Variants in NKAIN3 observed in about 807,000 individuals in gnomAD.
NKAIN3 encodes the protein sodium/potassium transporting ATPase interacting 3, also known as sodium/potassium-transporting ATPase subunit beta-1-interacting protein 3.
NKAIN3 carries 25 observed loss-of-function variants against 30.2 expected under a neutral mutation model. The observed-to-expected ratio is 0.83, with a 90% CI of 0.60 to 1.16. NKAIN3 has a LOEUF of 1.16. NKAIN3 is among the 50% of genes most tolerant of loss of function. NKAIN3 has a pLI of 0.00. For missense variants in NKAIN3, 225 were observed against 254.1 expected, an observed-to-expected ratio of 0.89 and a Z score of 0.78; for synonymous variants, 91 against 89.6, an observed-to-expected ratio of 1.02 and a Z score of -0.09.
intron 1 of NKAIN3, among the ~76,000 whole-genome samples, chr8:62,333,328 T>G (rs1041128904): frequency 1.3e-5 from 2 of 152,160 alleles, no homozygotes; most frequent in African/African-American, 4.8e-5. Flanking sequence ...TTATTTATTT[T>G]TATAGCTCAG....
chr8:62,621,230 T>C (rs1284168625), intron 3 of NKAIN3, among the ~76,000 whole-genome samples: 2 of 152,144 alleles, frequency 1.3e-5, no homozygotes, highest in African/African-American at 4.8e-5. Flanking sequence ...CAAATCCAGG[T>C]TTTCAATAAA....
intron 3 of NKAIN3, among the ~76,000 whole-genome samples, chr8:62,629,567 G>A (rs1048037479): frequency 1.3e-5 from 2 of 151,994 alleles, no homozygotes; most frequent in Non-Finnish European, 2.9e-5. Flanking sequence ...GAACAATATT[G>A]GCACATAGTA....
At chr8:62,272,820 C>T (rs866361170) in intron 1 of NKAIN3, among the ~76,000 whole-genome samples, 1 of 152,190 alleles carries the variant, frequency 6.6e-6, no homozygotes, top group African/African-American at 2.4e-5. Flanking sequence ...TTCCTTAGTT[C>T]TGCAAACTAA....
intron 3 of NKAIN3, among the ~76,000 whole-genome samples, chr8:62,686,102 T>G (rs1404451128): frequency 6.6e-6 from 1 of 152,134 alleles, no homozygotes. Flanking sequence ...CTATCACGGC[T>G]TACTCTCCAA....
intron 1 of NKAIN3, among the ~76,000 whole-genome samples, chr8:62,436,985 A>G (rs1805191955): frequency 6.6e-6 from 1 of 152,220 alleles, no homozygotes; most frequent in African/African-American, 2.4e-5. Context: ...GCCAAAGTCA[A>G]TGAAAGATTG....
At chr8:62,867,532 T>C (rs1820465252) in intron 4 of NKAIN3, among the ~76,000 whole-genome samples, 1 of 152,194 alleles carries the variant, frequency 6.6e-6, no homozygotes, top group East Asian at 1.9e-4. Context: ...TGAGAATTGA[T>C]TGACCAATGT....
In NKAIN3 at chr8:62,577,513, C is replaced by CT. The variant is rs373784299; in HGVS notation, c.55-2025dup. On this transcript the variant is annotated intron_variant, in intron 1 of 6. Transcript: ENST00000623646. Reference sequence around the variant, plus strand: ...TTGTTTGTTTTTCTGAATGAATGGCCTGCAGCTGCTCTTCAGGGTTTCCTT... The same window carrying CT: ...TTGTTTGTTTTTCTGAATGAATGGCCTTGCAGCTGCTCTTCAGGGTTTCCTT... Among the ~76,000 whole-genome samples, 86 of 142,682 alleles carry CT rather than the reference C, an allele frequency of 6.0e-4. 1 individual carries two copies. In the Middle Eastern group the frequency reaches 0.018, roughly 30 times the overall value. 93.6% of individuals were successfully genotyped at this position (142,682 alleles called of 152,430 possible).
intron 4 of NKAIN3, among the ~76,000 whole-genome samples, chr8:62,779,902 A>G (rs980339432): frequency 7.2e-5 from 11 of 152,278 alleles, no homozygotes; most frequent in Admixed American, 7.2e-4. Context: ...AACCTAGGAA[A>G]AAAAGAACAA....
intron 1 of NKAIN3, among the ~76,000 whole-genome samples, chr8:62,506,476 C>CTTTCTTTTTT (rs71559373): frequency 1.0e-5 from 1 of 98,438 alleles, no homozygotes; most frequent in African/African-American, 4.1e-5. Context: ...TTCTTTCTTT[C>CTTTCTTTTTT]TTTTTTTTTT....
chr8:62,636,031 A>G (rs371531850), intron 3 of NKAIN3, among the ~76,000 whole-genome samples: 5 of 152,198 alleles, frequency 3.3e-5, no homozygotes, highest in African/African-American at 1.2e-4. Context: ...CACCAAGTTC[A>G]GAATGGAGCC....
intron 4 of NKAIN3, among the ~76,000 whole-genome samples, chr8:62,750,822 A>G (rs1253200820): frequency 2.0e-5 from 3 of 152,030 alleles, no homozygotes; most frequent in Non-Finnish European, 4.4e-5. Flanking sequence ...GGAGAAGTCA[A>G]AGACAAGCAG....
intron 4 of NKAIN3, among the ~76,000 whole-genome samples, chr8:62,791,490 G>A (rs1817700073): frequency 6.6e-6 from 1 of 152,062 alleles, no homozygotes; most frequent in South Asian, 2.1e-4. Context: ...GCTGGTGTGA[G>A]AATCATAATC....
intron 4 of NKAIN3, among the ~76,000 whole-genome samples, chr8:62,869,679 G>A (rs985377356): frequency 1.3e-5 from 2 of 152,174 alleles, no homozygotes; most frequent in Non-Finnish European, 2.9e-5. Context: ...AACCCCTTGC[G>A]GGGGGTAGGT....
At chr8:62,989,237 G>A (rs1563656750), downstream of NKAIN3, among the ~76,000 whole-genome samples, 1 of 152,160 alleles carries the variant, frequency 6.6e-6, no homozygotes, top group East Asian at 1.9e-4. Flanking sequence ...CACATTTTCG[G>A]GTACCTTTAC....
intron 4 of NKAIN3, among the ~76,000 whole-genome samples, chr8:62,825,589 A>G (rs569970532): frequency 1.3e-5 from 2 of 152,142 alleles, no homozygotes; most frequent in Non-Finnish European, 2.9e-5. Context: ...AGCCAAACCT[A>G]CTGAGCGAAA....
At chr8:62,948,638 T>G (rs1483900143) in intron 5 of NKAIN3, among the ~76,000 whole-genome samples, 1 of 152,234 alleles carries the variant, frequency 6.6e-6, no homozygotes, top group Admixed American at 6.5e-5. Context: ...AAGTATCTTT[T>G]CAAAGATGAA....
intron 4 of NKAIN3, among the ~76,000 whole-genome samples, chr8:62,876,826 G>A (rs1293446702): frequency 3.3e-5 from 5 of 151,976 alleles, no homozygotes; most frequent in Non-Finnish European, 7.4e-5. Context: ...TGGGGGTGAG[G>A]CAAGGAACTT....
At chr8:62,413,607 G>A (rs368262429) in intron 1 of NKAIN3, among the ~76,000 whole-genome samples, 1 of 151,974 alleles carries the variant, frequency 6.6e-6, no homozygotes, top group African/African-American at 2.4e-5. Flanking sequence ...GTCAAAACTC[G>A]GTGATTTAAA....
chr8:62,360,035 C>G (rs1262804046), intron 1 of NKAIN3, among the ~76,000 whole-genome samples: 2 of 152,188 alleles, frequency 1.3e-5, no homozygotes, highest in African/African-American at 4.8e-5. Context: ...CATCAGAAAA[C>G]TGGAGCATAA....
Sources: allele counts gnomAD v4.1 joint callset (sites outside exome capture counted in the v4.1 genomes callset), GRCh38; gene constraint gnomAD v4.1.1; transcripts MANE v1.5; gene names NCBI Gene and HGNC (gene_info 2026-07-23, HGNC 2026-07-21).